The following SLC16A7 variants were observed in gnomAD, a reference collection of about 807,000 sequenced individuals.
SLC16A7 encodes monocarboxylate transporter 2.
SLC16A7 carries 33 observed loss-of-function variants against 34.9 expected under a neutral mutation model. The ratio of observed to expected loss-of-function variants is 0.94; its 90% CI spans 0.72 to 1.26. The LOEUF is 1.26. Among genes scored for constraint, SLC16A7 ranks in the 50% most tolerant of loss-of-function variants. The pLI, the probability that SLC16A7 is intolerant of heterozygous loss-of-function variation, is 0.00. For synonymous variants in SLC16A7, 201 were observed against 206.6 expected, an observed-to-expected ratio of 0.97 and a Z score of 0.23; for missense variants, 573 against 578.1, an observed-to-expected ratio of 0.99 and a Z score of 0.09.
At chr12:59,779,151 C>A (rs1203677880) in intron 5 of SLC16A7, among the ~76,000 whole-genome samples, 3 of 151,836 alleles carry the variant, frequency 2.0e-5, no homozygotes, top group East Asian at 1.9e-4. Flanking sequence ...TATATACACA[C>A]AAAAAATGCC....
intron 1 of SLC16A7, among the ~76,000 whole-genome samples, chr12:59,639,413 C>T (rs1014198233): frequency 1.3e-5 from 2 of 152,100 alleles, no homozygotes; most frequent in Non-Finnish European, 2.9e-5. Context: ...GAGACCAGAT[C>T]TCACTCGGTT....
intron 1 of SLC16A7, among the ~76,000 whole-genome samples, chr12:59,621,773 T>C (rs1004033560): frequency 2.0e-5 from 3 of 151,822 alleles, no homozygotes; most frequent in African/African-American, 7.3e-5. Flanking sequence ...AAATCATGTC[T>C]ACGGTTTTAT....
rs570083685 is a variant in SLC16A7 at position 59,596,730 on chromosome 12, G to A, written c.-130+494G>A. Among the ~76,000 whole-genome samples, 2 of 152,134 alleles carry A rather than the reference G, an allele frequency of 1.3e-5. No individual in the cohort carries two copies. Among genetic ancestry groups the A allele is most frequent in the East Asian group, 3.9e-4 (2 of 5,162 alleles). On this transcript the variant is annotated intron_variant, in intron 1 of 5. Transcript: ENST00000547379. This position sits in a 1 kb window ranked among gnomAD's most constrained non-coding sequence, Gnocchi z 5.0. ...ATTGCCGCAGAAGGTGGAGGCGGGG[G>A]TGGAGTGTGTGGAGAGAACGTCTTC...
intron 1 of SLC16A7, among the ~76,000 whole-genome samples, chr12:59,639,314 C>T (rs1880570352): frequency 6.6e-6 from 1 of 152,002 alleles, no homozygotes; most frequent in Non-Finnish European, 1.5e-5. Flanking sequence ...CTCTTTGTAA[C>T]AATGAGGGGG....
intron 2 of SLC16A7, among the ~76,000 whole-genome samples, chr12:59,691,680 A>G (rs776923806): frequency 6.6e-6 from 1 of 151,954 alleles, no homozygotes; most frequent in Non-Finnish European, 1.5e-5. Context: ...TCTACATCTT[A>G]CTTTTTTCAT....
chr12:59,789,050 GT>G lies in SLC16A7; in HGVS notation c.*9372del, dbSNP rs1251354772. 5 of 152,120 alleles carry G rather than the reference GT, an allele frequency of 3.3e-5. No homozygotes were observed. The highest frequency in any genetic ancestry group is 1.2e-4 in the African/African-American group (5 of 41,544). 9.4% of individuals were successfully genotyped at this position (152,120 alleles called of 1,614,324 possible). On this transcript the variant is annotated 3_prime_UTR_variant, in exon 6 of 6. Transcript: ENST00000547379. ...CCAAATGTTGAATTTCTCTGTGAGGGTACTTATTTTGCCTACAGTTTCAAAT... is the reference window on the plus strand; with the variant it reads ...CCAAATGTTGAATTTCTCTGTGAGGGACTTATTTTGCCTACAGTTTCAAAT...
chr12:59,737,742 T>C (rs1877764504), intron 3 of SLC16A7, among the ~76,000 whole-genome samples: 1 of 152,224 alleles, frequency 6.6e-6, no homozygotes, highest in Admixed American at 6.5e-5. Context: ...TCCCTAGCTC[T>C]GAACCAGTGT....
At chr12:59,628,697 G>T (rs938530877) in intron 1 of SLC16A7, among the ~76,000 whole-genome samples, 2 of 151,674 alleles carry the variant, frequency 1.3e-5, no homozygotes, top group African/African-American at 4.8e-5. Flanking sequence ...CGCGTATTTT[G>T]TCCAGTACCT....
intron 2 of SLC16A7, among the ~76,000 whole-genome samples, chr12:59,687,139 C>T (rs1462691995): frequency 6.6e-6 from 1 of 151,678 alleles, no homozygotes; most frequent in Admixed American, 6.6e-5. Context: ...TTGATCTTTT[C>T]CTTGGCTTAG....
intron 2 of SLC16A7, among the ~76,000 whole-genome samples, chr12:59,677,426 G>A (rs1870400886): frequency 6.6e-6 from 1 of 152,140 alleles, no homozygotes; most frequent in African/African-American, 2.4e-5. Flanking sequence ...AACTAAACAT[G>A]TTATCTTCTT....
chr12:59,749,047 GAC>G (rs1353125772), intron 3 of SLC16A7, among the ~76,000 whole-genome samples: 1 of 152,098 alleles, frequency 6.6e-6, no homozygotes, highest in East Asian at 1.9e-4. Context: ...GAGAAGAAAT[GAC>G]ATCTGCCTGA....
At chr12:59,597,468 T>C (rs752192411) in intron 1 of SLC16A7, among the ~76,000 whole-genome samples, 1 of 152,100 alleles carries the variant, frequency 6.6e-6, no homozygotes, top group Non-Finnish European at 1.5e-5. Context: ...CCATTTCCTG[T>C]CACCCCATGC....
At chr12:59,734,006 G>A (rs1338618344) in intron 3 of SLC16A7, 2 of 348,418 alleles carry the variant, frequency 5.7e-6, no homozygotes, top group South Asian at 2.2e-5. Context: ...GCAGCCATGG[G>A]TGGGCCTGGA....
In SLC16A7 at chr12:59,771,250, C is replaced by T. The variant is rs144716529; in HGVS notation, c.249C>T (p.Tyr83=). 1.9e-4 allele frequency: 305 copies of T among 1,612,782 alleles called. 1 individual carries two copies. Among genetic ancestry groups the T allele is most frequent in the Admixed American group, 2.7e-4 (16 of 59,830 alleles). The change falls in exon 4 of 6, where the codon TAC becomes TAT. Residue 83 remains tyrosine (Y), a synonymous_variant. Transcript: ENST00000547379. ...TAAGTAGTGTTTTGGTGAATAAATA[C>T]GGCAGCCGGCCGGTGGTGATAGCAG... is the stretch of plus-strand genomic sequence containing the variant. ...GPVSSVLVNK[Y]GSRPVVIAGG... is the part of the protein sequence containing the mutation.
intron 2 of SLC16A7, among the ~76,000 whole-genome samples, chr12:59,681,918 G>A (rs892322140): frequency 6.6e-6 from 1 of 151,754 alleles, no homozygotes; most frequent in Non-Finnish European, 1.5e-5. Flanking sequence ...GACCAGCTTA[G>A]AGCCAATTAG....
In SLC16A7 at chr12:59,789,536, T is replaced by A. The variant is rs1285894351; in HGVS notation, c.*9857T>A. 1 of 152,172 alleles carries A rather than the reference T, an allele frequency of 6.6e-6. No individual in the cohort carries two copies. The highest frequency in any genetic ancestry group is 1.5e-5 in the Non-Finnish European group (1 of 67,992). The allele number at this position is 152,172 out of a possible 1,614,324, so 9.4% of individuals were successfully genotyped here. A position where few individuals can be genotyped will look rare whatever the true frequency, so the allele number is the denominator to read the frequency against. On this transcript the variant is annotated 3_prime_UTR_variant, in exon 6 of 6. Transcript: ENST00000547379. ...CAAAGGTGCTACTTATTTTTCAACA[T>A]TGACCTTGATCATAAGTGCTTCTAT...
intron 3 of SLC16A7, among the ~76,000 whole-genome samples, chr12:59,735,005 T>A (rs1177121298): frequency 6.6e-6 from 1 of 152,220 alleles, no homozygotes; most frequent in Non-Finnish European, 1.5e-5. Context: ...CTAAATCATC[T>A]TGAAAAGAGT....
At chr12:59,671,112 C>G (rs944092133) in intron 2 of SLC16A7, among the ~76,000 whole-genome samples, 25 of 152,140 alleles carry the variant, frequency 1.6e-4, no homozygotes, top group Non-Finnish European at 2.6e-4. Context: ...CATCTCTATT[C>G]CTGAATTCGA....
intron 1 of SLC16A7, among the ~76,000 whole-genome samples, chr12:59,617,436 A>G (rs2136976235): frequency 6.6e-6 from 1 of 152,118 alleles, no homozygotes; most frequent in Admixed American, 6.5e-5. Flanking sequence ...ATGGAAGACT[A>G]TTTAGGAAAC....
Sources: gnomAD v4.1 joint callset for allele counts (sites outside exome capture counted in the v4.1 genomes callset) on GRCh38, gnomAD v4.1.1 for gene constraint, Gnocchi (gnomAD v3.1) non-coding constraint, MANE v1.5 for transcripts, NCBI Gene and HGNC (gene_info 2026-07-23, HGNC 2026-07-21) for gene names.